POLR3B: variants seen among roughly 807,000 people sequenced by gnomAD.
POLR3B encodes the protein DNA-directed RNA polymerase III subunit RPC2.
In POLR3B, 96 loss-of-function variants were observed where a neutral mutation model predicts 147.4. That is an observed-to-expected ratio of 0.65 (90% CI 0.55 to 0.77). The LOEUF is 0.77. Ranked by LOEUF, POLR3B falls within the 30% of genes least tolerant of loss-of-function variation. The pLI, the probability that POLR3B is intolerant of heterozygous loss-of-function variation, is 0.00. For missense variants in POLR3B, 1,036 were observed against 1,413.5 expected (o/e 0.73, Z 4.28); for synonymous variants, 461 against 485.9 (o/e 0.95, Z 0.67).
At position 106,432,459 on chromosome 12, in the gene POLR3B, G is replaced by A; in HGVS notation, c.1606G>A (p.Val536Met). Residue 536 changes from valine (V) to methionine (M), a missense_variant, in exon 15 of 28, where the codon GTG (valine) becomes ATG (methionine). This residue lies in a region of POLR3B where 177 missense variants were observed against 232.7 expected (regional missense o/e 0.76). Transcript: ENST00000228347. ...TGGGGAAGAGCTCTCTTACCCAAAT[G>A]TGTTTCTTGTCTTTCTTAATGGTGG... ...LCGEELSYPN[V>M]FLVFLNGNIL... 6.2e-7 allele frequency: 1 copy of A among 1,613,172 alleles called. No homozygotes were observed. The highest frequency in any genetic ancestry group is 8.5e-7 in the Non-Finnish European group (1 of 1,179,180).
chr12:106,437,785 T>G lies in POLR3B; in HGVS notation c.1955+6T>G. The G allele has an allele frequency of 6.9e-7, 1 of 1,455,284 alleles. No individual in the cohort carries two copies. The highest frequency in any genetic ancestry group is 9.7e-7 in the Non-Finnish European group (1 of 1,035,686). 90.1% of individuals were successfully genotyped at this position (1,455,284 alleles called of 1,614,324 possible). On this transcript the variant is annotated splice_donor_region_variant and intron_variant, in intron 18 of 27. Coordinates refer to ENST00000228347, the MANE Select transcript of POLR3B (RefSeq NM_018082.6). Reference sequence around the variant, plus strand: ...TACGAACACACAATTAATAAGTAAGTAGGATCCATAGCAACCATAATTAAA... The same window carrying G: ...TACGAACACACAATTAATAAGTAAGGAGGATCCATAGCAACCATAATTAAA...
At chr12:106,377,820 C>T (rs1414493949) in intron 7 of POLR3B, among the ~76,000 whole-genome samples, 5 of 152,108 alleles carry the variant, frequency 3.3e-5, no homozygotes, top group Admixed American at 1.3e-4. Context: ...ATCAGATGGG[C>T]GCAATGGCTC....
chr12:106,496,480 T>G, intron 24 of POLR3B: 1 of 598,700 alleles, frequency 1.7e-6, no homozygotes, highest in Non-Finnish European at 3.0e-6. Flanking sequence ...TGATCCTGGC[T>G]CCACCTCTTA....
intron 25 of POLR3B, among the ~76,000 whole-genome samples, chr12:106,498,400 G>A (rs1034277471): frequency 3.9e-5 from 6 of 152,300 alleles, no homozygotes; most frequent in African/African-American, 1.2e-4. Context: ...TGCAATGATC[G>A]TGAATGACAA....
chr12:106,442,400 G>A (rs887271456), intron 18 of POLR3B, among the ~76,000 whole-genome samples: 2 of 152,070 alleles, frequency 1.3e-5, no homozygotes, highest in Non-Finnish European at 2.9e-5. Flanking sequence ...TTTTCTTCTA[G>A]ACTATAAAAT....
intron 7 of POLR3B, 87 bp from the exon 8 acceptor site, chr12:106,378,180 A>G (rs1418375777): frequency 1.2e-6 from 1 of 833,538 alleles, no homozygotes; most frequent in African/African-American, 1.7e-5. Flanking sequence ...AGAAAAGGTA[A>G]TCTCTGATTC....
At chr12:106,402,330 A>G (rs1270703618) in intron 10 of POLR3B, among the ~76,000 whole-genome samples, 4 of 152,200 alleles carry the variant, frequency 2.6e-5, no homozygotes, top group Non-Finnish European at 5.9e-5. Flanking sequence ...CAAATGGAAG[A>G]ACATTTCATG....
At chr12:106,463,715 T>G in intron 23 of POLR3B, 95 bp downstream of exon 23, 1 of 1,016,094 alleles carries the variant, frequency 9.8e-7, no homozygotes, top group Non-Finnish European at 1.5e-6. Context: ...AAAATTTACT[T>G]TGGAAAAGTA....
intron 2 of POLR3B, among the ~76,000 whole-genome samples, chr12:106,365,592 C>T (rs929661010): frequency 3.9e-5 from 6 of 152,134 alleles, no homozygotes; most frequent in African/African-American, 1.2e-4. Context: ...CAGTGGCTCA[C>T]GCTTGTAATC....
chr12:106,433,624 C>A, intron 15 of POLR3B, 95 bp from the exon 16 acceptor site: 1 of 983,140 alleles, frequency 1.0e-6, no homozygotes, highest in Non-Finnish European at 1.5e-6. Flanking sequence ...CAAATAACTG[C>A]TTAGTGCTGA....
chr12:106,367,286 G>A (rs1479263598), intron 4 of POLR3B, among the ~76,000 whole-genome samples: 1 of 152,110 alleles, frequency 6.6e-6, no homozygotes, highest in Non-Finnish European at 1.5e-5. Flanking sequence ...TGCAAAAGTA[G>A]TACAAAGAAT....
intron 14 of POLR3B, among the ~76,000 whole-genome samples, 163 bp from the exon 15 acceptor site, chr12:106,432,155 A>G (rs1593038043): frequency 6.6e-6 from 1 of 152,146 alleles, no homozygotes; most frequent in African/African-American, 2.4e-5. Context: ...GTTAAGGGAT[A>G]TATATATTTT....
chr12:106,366,247 C>T (rs2036534136), intron 2 of POLR3B, among the ~76,000 whole-genome samples: 1 of 152,130 alleles, frequency 6.6e-6, no homozygotes, highest in African/African-American at 2.4e-5. Context: ...TTCATGTACT[C>T]ATATTTTGAT....
At chr12:106,431,748 G>T (rs746347245) in intron 14 of POLR3B, among the ~76,000 whole-genome samples, 1 of 152,042 alleles carries the variant, frequency 6.6e-6, no homozygotes, top group Non-Finnish European at 1.5e-5. Context: ...TCCCACTGTT[G>T]TCTTTTTTCT....
chr12:106,423,837 T>G (rs2037401755), intron 12 of POLR3B, among the ~76,000 whole-genome samples: 1 of 150,546 alleles, frequency 6.6e-6, no homozygotes. Context: ...TAAAATTAAC[T>G]CACATATCCT....
chr12:106,474,001 T>C (rs1276848652), intron 23 of POLR3B, among the ~76,000 whole-genome samples: 1 of 141,868 alleles, frequency 7.0e-6, no homozygotes, highest in African/African-American at 2.6e-5. Context: ...GGCTGTGGGT[T>C]TGTCATAGAT....
At chr12:106,361,306 G>A (rs954811160) in intron 1 of POLR3B, among the ~76,000 whole-genome samples, 1 of 152,216 alleles carries the variant, frequency 6.6e-6, no homozygotes, top group African/African-American at 2.4e-5. Flanking sequence ...TAGAATTTTT[G>A]TTTTCCTGTT....
chr12:106,488,568 G>A (rs2137066007), intron 23 of POLR3B, among the ~76,000 whole-genome samples: 1 of 152,306 alleles, frequency 6.6e-6, no homozygotes, highest in African/African-American at 2.4e-5. Flanking sequence ...GCATAATGAT[G>A]TTCCAAAGGG....
intron 22 of POLR3B, among the ~76,000 whole-genome samples, chr12:106,459,930 T>C (rs1176629872): frequency 6.6e-6 from 1 of 152,170 alleles, no homozygotes; most frequent in African/African-American, 2.4e-5. Context: ...TAAAATTTAA[T>C]AAAATATGAA....
Sources: gnomAD v4.1 joint callset for allele counts (sites outside exome capture counted in the v4.1 genomes callset) on GRCh38, gnomAD v4.1.1 for gene constraint, gnomAD v4.1.1 regional missense constraint, MANE v1.5 for transcripts, NCBI Gene and HGNC (gene_info 2026-07-23, HGNC 2026-07-21) for gene names.